The following TMEM132C variants were observed in gnomAD, a reference collection of about 807,000 sequenced individuals.
TMEM132C encodes protein phosphatase 1, regulatory subunit 152.
Under a neutral mutation model 61.4 loss-of-function variants are expected in TMEM132C, and 29 were observed. The ratio of observed to expected loss-of-function variants is 0.47; its 90% CI spans 0.35 to 0.64. The LOEUF (loss-of-function observed/expected upper bound fraction) is 0.64, where lower values mean the gene tolerates loss of function less well. Ranked by LOEUF, TMEM132C falls within the 30% of genes least tolerant of loss-of-function variation. The pLI is 0.00. For synonymous variants in TMEM132C, 656 were observed against 633.1 expected, an observed-to-expected ratio of 1.04 and a Z score of -0.54; for missense variants, 1,408 against 1,476.9, an observed-to-expected ratio of 0.95 and a Z score of 0.76.
At position 128,693,834 on chromosome 12, in the gene TMEM132C, T is replaced by C; in HGVS notation, c.1455T>C (p.Ser485=). 1 of 1,551,764 alleles carries C rather than the reference T, an allele frequency of 6.4e-7. No homozygotes were observed. Among genetic ancestry groups the C allele is most frequent in the Non-Finnish European group, 8.7e-7 (1 of 1,147,006 alleles). The part of the protein sequence containing the change: ...KSTDEDVIKV[S]ERCDYIFVNG... ...TTCTCCCTCTGTCTTTGCAGGTGTC[T>C]GAGCGCTGTGACTACATCTTTGTCA... The change falls in exon 6 of 9, where the codon TCT becomes TCC. Residue 485 remains serine, a synonymous_variant. Transcript: ENST00000435159.
chr12:128,696,950 A>G (rs1954770195), intron 7 of TMEM132C, among the ~76,000 whole-genome samples: 1 of 152,224 alleles, frequency 6.6e-6, no homozygotes, highest in Admixed American at 6.5e-5. Context: ...CTTCATCTAA[A>G]TAGGAGGGGT....
intron 4 of TMEM132C, among the ~76,000 whole-genome samples, chr12:128,621,312 T>G (rs938520014): frequency 1.3e-5 from 2 of 152,142 alleles, no homozygotes; most frequent in Non-Finnish European, 2.9e-5. Context: ...TCTTTGTGGA[T>G]GTACTGAAGT....
intron 1 of TMEM132C, among the ~76,000 whole-genome samples, chr12:128,343,600 A>G (rs1456065705): frequency 1.3e-5 from 2 of 152,124 alleles, no homozygotes; most frequent in Non-Finnish European, 2.9e-5. Flanking sequence ...AATAAGTTTT[A>G]TTGAGACATA....
At chr12:128,368,037 C>T (rs1873919915) in intron 1 of TMEM132C, among the ~76,000 whole-genome samples, 2 of 152,172 alleles carry the variant, frequency 1.3e-5, no homozygotes, top group South Asian at 4.1e-4. Flanking sequence ...TGGCTTTATA[C>T]ATGGCAACTT....
At chr12:128,550,167 C>A (rs1436932019) in intron 3 of TMEM132C, among the ~76,000 whole-genome samples, 1 of 152,184 alleles carries the variant, frequency 6.6e-6, no homozygotes, top group Non-Finnish European at 1.5e-5. Flanking sequence ...TCTGGAAAGT[C>A]CGAGGTCAGG....
chr12:128,480,834 A>G (rs1425323662), intron 2 of TMEM132C, among the ~76,000 whole-genome samples: 1 of 152,204 alleles, frequency 6.6e-6, no homozygotes, highest in Non-Finnish European at 1.5e-5. Flanking sequence ...GGAAGAGGAC[A>G]AAGTCATACA....
chr12:128,697,257 G>A lies in TMEM132C; in HGVS notation c.1963G>A (p.Glu655Lys). 1 of 1,535,518 alleles carries A rather than the reference G, an allele frequency of 6.5e-7. No homozygotes were observed. Among genetic ancestry groups the A allele is most frequent in the Non-Finnish European group, 8.8e-7 (1 of 1,133,780 alleles). Reference protein sequence around the residue: ...LSPLSDSILAEKTITVLDDKV... With the variant: ...LSPLSDSILAKKTITVLDDKV... ...TCCACTGTCTGACTCCATCCTGGCA[G>A]AGAAGACAATAACCGTGCTAGATGA... The change falls in exon 8 of 9, where the codon GAG (glutamate) becomes AAG (lysine). Residue 655 changes from glutamate (E) to lysine (K), a missense_variant. Physicochemically the swap from Glu to Lys is moderately conservative, Grantham distance 56. Transcript: ENST00000435159.
At chr12:128,319,475 A>T (rs1253231515) in intron 1 of TMEM132C, among the ~76,000 whole-genome samples, 1 of 152,006 alleles carries the variant, frequency 6.6e-6, no homozygotes, top group Admixed American at 6.6e-5. Context: ...TTAGTCTTGG[A>T]GAGGCTGTTA....
intron 4 of TMEM132C, among the ~76,000 whole-genome samples, chr12:128,641,112 C>G (rs1954154654): frequency 6.6e-6 from 1 of 152,134 alleles, no homozygotes; most frequent in African/African-American, 2.4e-5. Flanking sequence ...GAGATGAATG[C>G]TCAGATCTGG....
chr12:128,540,981 C>G (rs1472191794), intron 2 of TMEM132C, among the ~76,000 whole-genome samples: 1 of 126,994 alleles, frequency 7.9e-6, no homozygotes, highest in Non-Finnish European at 1.9e-5. Flanking sequence ...CTCTATCTCT[C>G]TGTCTGTATG....
At chr12:128,665,621 G>GCGCACACACACA (rs1555241551) in intron 4 of TMEM132C, among the ~76,000 whole-genome samples, 4 of 120,186 alleles carry the variant, frequency 3.3e-5, no homozygotes, top group African/African-American at 1.3e-4. Flanking sequence ...CCAAACACAG[G>GCGCACACACACA]CACACACACA....
intron 5 of TMEM132C, among the ~76,000 whole-genome samples, chr12:128,687,201 C>CA (rs55934804): frequency 0.4 from 45,962 of 114,250 alleles, 9,347 homozygotes; most frequent in Middle Eastern, 0.45. Flanking sequence ...GACTCTGTCT[C>CA]AAAAAAAAAA....
Position 128,646,107 on chromosome 12 carries a change from A to G in TMEM132C, c.1306-23310A>G, listed in dbSNP as rs145565763. Among the ~76,000 whole-genome samples, 564 of 150,220 alleles carry G rather than the reference A, an allele frequency of 3.8e-3. 5 individuals are homozygous for G. The highest frequency in any genetic ancestry group is 0.013 in the African/African-American group (537 of 40,506). On this transcript the variant is annotated intron_variant, in intron 4 of 8. Coordinates refer to ENST00000435159, the MANE Select transcript of TMEM132C (RefSeq NM_001136103.3). ...GTTTACTGGAACCTATCAGCATTGG[A>G]TGTGAGTGTGTTTAGCTCAGTCCAT...
intron 1 of TMEM132C, among the ~76,000 whole-genome samples, chr12:128,402,755 C>G (rs1342358537): frequency 6.6e-6 from 1 of 152,262 alleles, no homozygotes; most frequent in African/African-American, 2.4e-5. Context: ...ACACTGACAC[C>G]ATGCAGTTAA....
At chr12:128,346,442 T>A (rs1451821676) in intron 1 of TMEM132C, among the ~76,000 whole-genome samples, 1 of 152,192 alleles carries the variant, frequency 6.6e-6, no homozygotes, top group East Asian at 1.9e-4. Flanking sequence ...TTCTGTGAAG[T>A]ATCTTAATGG....
intron 1 of TMEM132C, among the ~76,000 whole-genome samples, chr12:128,275,122 A>G (rs1404230736): frequency 6.6e-6 from 1 of 152,166 alleles, no homozygotes; most frequent in African/African-American, 2.4e-5. Flanking sequence ...AATAAAGGAC[A>G]GCTTTTCTGA....
chr12:128,268,216 A>G (rs1461777217), intron 1 of TMEM132C, among the ~76,000 whole-genome samples: 4 of 152,216 alleles, frequency 2.6e-5, no homozygotes, highest in African/African-American at 9.6e-5. Context: ...CCTCTTCTCT[A>G]CAATGGGAGT....
chr12:128,351,585 G>C (rs1873338848), intron 1 of TMEM132C, among the ~76,000 whole-genome samples: 1 of 152,166 alleles, frequency 6.6e-6, no homozygotes, highest in Non-Finnish European at 1.5e-5. Context: ...CCAGCATCTG[G>C]ATCTGGGGAG....
chr12:128,665,903 ATT>A (rs1954461813), intron 4 of TMEM132C, among the ~76,000 whole-genome samples: 9 of 146,906 alleles, frequency 6.1e-5, no homozygotes, highest in South Asian at 2.2e-4. Context: ...CCACACACAC[ATT>A]CACAGGCACA....
Sources: allele counts gnomAD v4.1 joint callset (sites outside exome capture counted in the v4.1 genomes callset), GRCh38; gene constraint gnomAD v4.1.1; transcripts MANE v1.5; gene names NCBI Gene and HGNC (gene_info 2026-07-23, HGNC 2026-07-21).